Variants in PCDH15 observed in about 807,000 individuals in gnomAD.
The protein encoded by PCDH15 is protocadherin-15.
A neutral mutation model predicts 178.5 loss-of-function variants in PCDH15; 129 were observed. The observed-to-expected ratio is 0.72, with a 90% CI of 0.63 to 0.84. The LOEUF (loss-of-function observed/expected upper bound fraction) is 0.84, where lower values mean the gene tolerates loss of function less well. PCDH15 is among the 40% of genes least tolerant of loss of function. The pLI, the probability that PCDH15 is intolerant of heterozygous loss-of-function variation, is 0.00. For synonymous variants in PCDH15, 800 were observed against 732.0 expected (o/e 1.09, Z -1.50); for missense variants, 2,230 against 2,099.9 (o/e 1.06, Z -1.21).
rs1274142269 is a variant in PCDH15 at position 54,063,548 on chromosome 10, C to T, written c.2220+3209G>A. On this transcript the variant is annotated intron_variant, in intron 18 of 37. Transcript: ENST00000644397. ...GCCAACTTCCACCTCCTGGTATTGT[C>T]ACTGGATCCTAAGGGTGTTGCTTTT... 3.3e-5 allele frequency among the ~76,000 whole-genome samples: 5 copies of T among 152,270 alleles called. No individual in the cohort carries two copies. In the East Asian group the frequency reaches 9.7e-4, roughly 29 times the overall value.
intron 2 of PCDH15, among the ~76,000 whole-genome samples, chr10:55,372,610 C>T (rs1433640612): frequency 1.3e-5 from 2 of 152,084 alleles, no homozygotes; most frequent in Admixed American, 1.3e-4. Context: ...TTTTCACATG[C>T]TTCATCCAAA....
Position 54,463,666 on chromosome 10 carries a change from G to A in PCDH15, c.157+64146C>T, listed in dbSNP as rs140020159. 4.1e-3 allele frequency among the ~76,000 whole-genome samples: 624 copies of A among 152,130 alleles called. 3 individuals carry two copies. The highest frequency in any genetic ancestry group is 0.014 in the African/African-American group (601 of 41,510). On this transcript the variant is annotated intron_variant, in intron 3 of 37. Coordinates refer to ENST00000644397, the MANE Select transcript of PCDH15 (RefSeq NM_001384140.1). ...AGACAGTAATTTTTTTCACCATCCT[G>A]GAAGACCCTCAAGGTCAGGGATTAT... is the stretch of plus-strand genomic sequence containing the variant.
chr10:54,975,329 A>T (rs1839042066), intron 2 of PCDH15, among the ~76,000 whole-genome samples: 1 of 152,196 alleles, frequency 6.6e-6, no homozygotes, highest in Non-Finnish European at 1.5e-5. Context: ...TACCTAATTT[A>T]GGTAACTCTT....
intron 2 of PCDH15, among the ~76,000 whole-genome samples, chr10:55,522,301 G>A (rs1331161057): frequency 6.6e-5 from 10 of 151,744 alleles, no homozygotes; most frequent in Admixed American, 2.6e-4. Flanking sequence ...TAGAGATGGC[G>A]AACACATTTT....
At chr10:54,454,990 G>T (rs566961358) in intron 3 of PCDH15, among the ~76,000 whole-genome samples, 2 of 152,076 alleles carry the variant, frequency 1.3e-5, no homozygotes, top group Non-Finnish European at 2.9e-5. Context: ...CTCTCATGCT[G>T]TTCTTGTGAT....
intron 15 of PCDH15, among the ~76,000 whole-genome samples, chr10:54,098,667 C>T (rs763926130): frequency 2.5e-4 from 38 of 152,162 alleles, no homozygotes; most frequent in Admixed American, 5.9e-4. Flanking sequence ...AATAAATATA[C>T]TGTGCATAGT....
At chr10:55,466,291 T>C (rs1172561696) in intron 2 of PCDH15, among the ~76,000 whole-genome samples, 1 of 152,148 alleles carries the variant, frequency 6.6e-6, no homozygotes, top group Non-Finnish European at 1.5e-5. Flanking sequence ...CTATCAGATA[T>C]CTACTTTGGC....
At chr10:54,697,532 T>G (rs975242394) in intron 1 of PCDH15, among the ~76,000 whole-genome samples, 1 of 150,898 alleles carries the variant, frequency 6.6e-6, no homozygotes. Context: ...TATATATATA[T>G]ATACCTCTTT....
At chr10:55,403,627 C>A (rs973986572) in intron 2 of PCDH15, among the ~76,000 whole-genome samples, 1 of 151,850 alleles carries the variant, frequency 6.6e-6, no homozygotes, top group Non-Finnish European at 1.5e-5. Context: ...AGAGGGTGTT[C>A]TTTCCGCAAT....
At chr10:54,430,049 CTTTTTTTTTTTTT>C (rs34182878) in intron 3 of PCDH15, among the ~76,000 whole-genome samples, 2 of 119,544 alleles carry the variant, frequency 1.7e-5, no homozygotes, top group East Asian at 2.3e-4. Context: ...CCTTCTTCTC[CTTTTTTTTTTTTT>C]TTTTTTTTTT....
intron 2 of PCDH15, among the ~76,000 whole-genome samples, chr10:55,147,346 A>G (rs1473391961): frequency 6.6e-6 from 1 of 151,554 alleles, no homozygotes; most frequent in Non-Finnish European, 1.5e-5. Context: ...GTAGTGTACC[A>G]TTGTATAATG....
intron 26 of PCDH15, among the ~76,000 whole-genome samples, chr10:53,874,517 C>G (rs938651229): frequency 2.6e-5 from 4 of 152,118 alleles, no homozygotes; most frequent in African/African-American, 9.7e-5. Context: ...TAGGCCTGAT[C>G]TCCACCTGAA....
At chr10:54,069,689 G>A (rs72794991) in intron 17 of PCDH15, among the ~76,000 whole-genome samples, 67 of 152,124 alleles carry the variant, frequency 4.4e-4, no homozygotes, top group African/African-American at 1.4e-3. Flanking sequence ...AAATTAGTTA[G>A]GTGTAAATCA....
At chr10:55,313,771 A>C (rs6481154) in intron 1 of PCDH15, among the ~76,000 whole-genome samples, 25,873 of 152,130 alleles carry the variant, frequency 0.17, 3,611 homozygotes, top group African/African-American at 0.39. Flanking sequence ...GCAGTGGCTT[A>C]TTAAACTGAA....
intron 25 of PCDH15, among the ~76,000 whole-genome samples, chr10:53,938,143 T>A (rs2085736451): frequency 6.6e-6 from 1 of 152,164 alleles, no homozygotes; most frequent in African/African-American, 2.4e-5. Context: ...ACAAATTGGC[T>A]TTTATATGCT....
At chr10:54,477,581 C>T (rs766509823) in intron 3 of PCDH15, among the ~76,000 whole-genome samples, 3 of 152,084 alleles carry the variant, frequency 2.0e-5, no homozygotes, top group Non-Finnish European at 4.4e-5. Context: ...AATGAATGAA[C>T]GAATATATTT....
intron 3 of PCDH15, among the ~76,000 whole-genome samples, chr10:54,488,025 T>A (rs1302323933): frequency 6.6e-6 from 1 of 151,874 alleles, no homozygotes; most frequent in Non-Finnish European, 1.5e-5. Flanking sequence ...AACTGTATCC[T>A]TTTTCCTTGA....
rs1468837125 is a variant in PCDH15, at chr10:53,827,411, T to G, written c.4349A>C (p.Glu1450Ala). ...TACTTACATTGAGCTGTCTCCAAGTTCTTCATAGAGATGCGCACCTGGCGG... is the reference window on the plus strand; with the variant it reads ...TACTTACATTGAGCTGTCTCCAAGTGCTTCATAGAGATGCGCACCTGGCGG... Reference protein sequence around the residue: ...PPPPGAHLYEELGDSSIWSFC... With the variant: ...PPPPGAHLYEALGDSSIWSFC... Residue 1450 changes from glutamate (E) to alanine (A), a missense_variant, in exon 32 of 38, where the codon GAA becomes GCA. By Grantham distance (107) the Glu-to-Ala change is moderately radical. Coordinates refer to ENST00000644397, the MANE Select transcript of PCDH15 (RefSeq NM_001384140.1). 7.4e-6 allele frequency: 12 copies of G among 1,612,738 alleles called. No individual in the cohort carries two copies. In the African/African-American group the frequency reaches 1.2e-4, roughly 16 times the overall value.
intron 2 of PCDH15, among the ~76,000 whole-genome samples, chr10:54,551,426 A>G (rs2086599457): frequency 2.0e-5 from 3 of 152,116 alleles, no homozygotes; most frequent in African/African-American, 7.2e-5. Flanking sequence ...TGTAAGATTA[A>G]ACTTTCTGAA....
Sources: allele counts gnomAD v4.1 joint callset (sites outside exome capture counted in the v4.1 genomes callset), GRCh38; gene constraint gnomAD v4.1.1; transcripts MANE v1.5; gene names NCBI Gene and HGNC (gene_info 2026-07-23, HGNC 2026-07-21).